Variants in SPAG16 observed in about 807,000 individuals in gnomAD.
SPAG16 encodes the protein sperm associated antigen 16, also known as sperm-associated antigen 16 protein.
Under a neutral mutation model 80.4 loss-of-function variants are expected in SPAG16, and 86 were observed. The observed-to-expected ratio is 1.07, with a 90% CI of 0.90 to 1.28. SPAG16 has a LOEUF of 1.28. Among genes scored for constraint, SPAG16 ranks in the 50% most tolerant of loss-of-function variants. The pLI is 0.00. For synonymous variants in SPAG16, 294 were observed against 265.9 expected (o/e 1.11, Z -1.03); for missense variants, 870 against 765.3 (o/e 1.14, Z -1.61).
chr2:213,727,005 A>C (rs1296642941), intron 10 of SPAG16, among the ~76,000 whole-genome samples: 1 of 152,238 alleles, frequency 6.6e-6, no homozygotes, highest in Non-Finnish European at 1.5e-5. Context: ...TATGCATTCA[A>C]TCTTGATATG....
chr2:214,234,358 T>G (rs1688929201), intron 15 of SPAG16, among the ~76,000 whole-genome samples: 1 of 152,184 alleles, frequency 6.6e-6, no homozygotes, highest in African/African-American at 2.4e-5. Context: ...TAGGAGTGCA[T>G]GTATCTTTAT....
chr2:214,067,645 A>AT (rs2050593821), intron 13 of SPAG16, among the ~76,000 whole-genome samples: 1 of 152,166 alleles, frequency 6.6e-6, no homozygotes, highest in Admixed American at 6.6e-5. Context: ...AAAAAAAAAA[A>AT]ACTAAAATTT....
intron 15 of SPAG16, among the ~76,000 whole-genome samples, chr2:214,214,801 C>T (rs918137224): frequency 3.3e-5 from 5 of 151,520 alleles, no homozygotes; most frequent in African/African-American, 1.2e-4. Flanking sequence ...GACTCAAACT[C>T]CCTTGTCAAT....
intron 13 of SPAG16, among the ~76,000 whole-genome samples, chr2:214,050,741 C>T (rs768776167): frequency 2.0e-5 from 3 of 152,130 alleles, no homozygotes; most frequent in Non-Finnish European, 2.9e-5. Context: ...TCCATAGGTT[C>T]CCCATCCTCC....
chr2:213,858,451 A>G (rs913225302), intron 10 of SPAG16, among the ~76,000 whole-genome samples: 7 of 152,218 alleles, frequency 4.6e-5, no homozygotes, highest in African/African-American at 1.7e-4. Flanking sequence ...TTAGCAATAA[A>G]GTATTTTTTC....
At chr2:213,616,535 G>C (rs1398146898) in intron 10 of SPAG16, among the ~76,000 whole-genome samples, 4 of 152,194 alleles carry the variant, frequency 2.6e-5, no homozygotes, top group Admixed American at 6.5e-5. Flanking sequence ...TAGAAGGGGG[G>C]TGTCAGGATG....
intron 10 of SPAG16, among the ~76,000 whole-genome samples, chr2:213,714,631 G>A (rs1352095734): frequency 6.6e-6 from 1 of 152,012 alleles, no homozygotes; most frequent in Non-Finnish European, 1.5e-5. Flanking sequence ...TAATGAACAA[G>A]CATGGCCCCT....
intron 10 of SPAG16, among the ~76,000 whole-genome samples, chr2:213,501,895 A>G (rs1319088794): frequency 3.3e-5 from 5 of 152,224 alleles, no homozygotes; most frequent in Non-Finnish European, 7.3e-5. Flanking sequence ...TTTTTAAAAA[A>G]CAAGCCAACA....
At chr2:213,909,697 C>T (rs1301643105) in intron 11 of SPAG16, among the ~76,000 whole-genome samples, 1 of 152,090 alleles carries the variant, frequency 6.6e-6, no homozygotes, top group African/African-American at 2.4e-5. Context: ...AAACTGGATC[C>T]CTTCCTTACA....
intron 9 of SPAG16, among the ~76,000 whole-genome samples, chr2:213,377,822 T>C (rs9679317): frequency 0.073 from 11,094 of 151,714 alleles, 1,350 homozygotes; most frequent in African/African-American, 0.25. Context: ...AGAAAGCTTT[T>C]ATCCTGATGA....
intron 9 of SPAG16, among the ~76,000 whole-genome samples, chr2:213,389,324 T>C (rs2067614443): frequency 6.6e-6 from 1 of 151,990 alleles, no homozygotes; most frequent in Non-Finnish European, 1.5e-5. Context: ...GAAGAAAATA[T>C]AGGACAAAAG....
At chr2:213,690,996 G>T (rs899736677) in intron 10 of SPAG16, among the ~76,000 whole-genome samples, 1 of 152,018 alleles carries the variant, frequency 6.6e-6, no homozygotes, top group Non-Finnish European at 1.5e-5. Flanking sequence ...GATCCTATTG[G>T]TTCTGTCTCT....
intron 10 of SPAG16, among the ~76,000 whole-genome samples, chr2:213,841,120 G>A (rs1036880605): frequency 6.6e-6 from 1 of 151,908 alleles, no homozygotes; most frequent in Admixed American, 6.6e-5. Flanking sequence ...TGCTTTTTTG[G>A]TTTTTGTTTT....
chr2:213,445,382 C>G (rs961115144), intron 9 of SPAG16, among the ~76,000 whole-genome samples: 1 of 152,178 alleles, frequency 6.6e-6, no homozygotes, highest in African/African-American at 2.4e-5. Context: ...ACAGATATAG[C>G]TGGGCGTGGC....
At chr2:213,340,806 T>C (rs1489129765) in intron 6 of SPAG16, among the ~76,000 whole-genome samples, 1 of 152,154 alleles carries the variant, frequency 6.6e-6, no homozygotes, top group African/African-American at 2.4e-5. Flanking sequence ...GAGATTTACT[T>C]TCTCTCCTTC....
intron 9 of SPAG16, among the ~76,000 whole-genome samples, chr2:213,381,523 C>A (rs888714834): frequency 6.6e-6 from 1 of 152,094 alleles, no homozygotes; most frequent in African/African-American, 2.4e-5. Flanking sequence ...TTAGGAGAAG[C>A]CTTTGTTAAT....
At chr2:214,131,319 G>C (rs1184015578) in intron 14 of SPAG16, among the ~76,000 whole-genome samples, 1 of 151,208 alleles carries the variant, frequency 6.6e-6, no homozygotes, top group Admixed American at 6.6e-5. Flanking sequence ...ACAGTGAGCT[G>C]TGATCATGCC....
chr2:213,974,265 A>G (rs1424951909), intron 12 of SPAG16, among the ~76,000 whole-genome samples: 7 of 152,128 alleles, frequency 4.6e-5, no homozygotes, highest in African/African-American at 1.7e-4. Flanking sequence ...GCTTCAGAAG[A>G]TTAGTTTGGC....
intron 10 of SPAG16, among the ~76,000 whole-genome samples, chr2:213,824,341 C>T (rs960227304): frequency 6.6e-6 from 1 of 152,122 alleles, no homozygotes; most frequent in African/African-American, 2.4e-5. Context: ...GAGAGCTTCC[C>T]CAATGTTTTC....
Sources: gnomAD v4.1 joint callset for allele counts (sites outside exome capture counted in the v4.1 genomes callset) on GRCh38, gnomAD v4.1.1 for gene constraint, MANE v1.5 for transcripts, NCBI Gene and HGNC (gene_info 2026-07-23, HGNC 2026-07-21) for gene names.